Variants in SASH1 observed in about 807,000 individuals in gnomAD.
SASH1 encodes the protein SAM and SH3 domain containing 1.
Under a neutral mutation model 125.2 loss-of-function variants are expected in SASH1, and 44 were observed. The ratio of observed to expected loss-of-function variants is 0.35; its 90% CI spans 0.28 to 0.45. SASH1 has a LOEUF of 0.45. Among genes scored for constraint, SASH1 ranks in the 20% least tolerant of loss-of-function variants. The probability of loss-of-function intolerance (pLI) is 1.00; values close to 1 mark genes in which losing one functional copy is unlikely to be tolerated. For synonymous variants in SASH1, 639 were observed against 649.1 expected (o/e 0.98, Z 0.24); for missense variants, 1,426 against 1,614.5 (o/e 0.88, Z 2.00).
At chr6:148,280,498 T>G (rs1437623620) in intron 1 of SASH1, 1 of 152,220 alleles carries the variant, frequency 6.6e-6, no homozygotes, top group African/African-American at 2.4e-5. Flanking sequence ...GTTCAATCCA[T>G]GGTAGCCCTT....
At chr6:148,388,036 C>G (rs1350819962) in intron 1 of SASH1, among the ~76,000 whole-genome samples, 4 of 151,116 alleles carry the variant, frequency 2.6e-5, no homozygotes, top group African/African-American at 9.7e-5. Flanking sequence ...CTGCCTCAGC[C>G]TCCTGAGTAG....
chr6:148,317,922 T>C (rs1179081547), intron 1 of SASH1, among the ~76,000 whole-genome samples: 1 of 152,238 alleles, frequency 6.6e-6, no homozygotes, highest in Non-Finnish European at 1.5e-5. Flanking sequence ...TGTGAAAGGT[T>C]GTGTTTTCTG....
At chr6:148,220,479 C>A in the SASH1 span, among the ~76,000 whole-genome samples, 838 of 152,272 alleles carry the variant, frequency 5.5e-3, 10 homozygotes, top group African/African-American at 0.02. Context: ...TAAGTTGCAA[C>A]GTTAATTCTA....
chr6:148,246,817 G>A, the SASH1 span, among the ~76,000 whole-genome samples: 24 of 152,288 alleles, frequency 1.6e-4, no homozygotes, highest in Non-Finnish European at 2.5e-4. Flanking sequence ...AAAAGTTTGC[G>A]TCGCTACGAG....
At chr6:148,203,135 G>A in the SASH1 span, among the ~76,000 whole-genome samples, 1 of 152,156 alleles carries the variant, frequency 6.6e-6, no homozygotes, top group Non-Finnish European at 1.5e-5. Flanking sequence ...AATAAAATCA[G>A]AGAAAGAGCT....
chr6:148,387,573 T>TTTCTTTCC (rs1783448538), intron 1 of SASH1, among the ~76,000 whole-genome samples: 2 of 5,184 alleles, frequency 3.9e-4, no homozygotes, highest in Admixed American at 2.9e-3. Flanking sequence ...TTTCTCTTTC[T>TTTCTTTCC]TTCTTTCTTT....
At chr6:148,202,292 C>T in the SASH1 span, among the ~76,000 whole-genome samples, 1 of 152,176 alleles carries the variant, frequency 6.6e-6, no homozygotes, top group Non-Finnish European at 1.5e-5. Context: ...CCTGCAAGGA[C>T]AGAACTTCCT....
chr6:148,328,771 G>T (rs1206344252), intron 1 of SASH1, among the ~76,000 whole-genome samples: 6 of 152,144 alleles, frequency 3.9e-5, no homozygotes, highest in African/African-American at 1.4e-4. Flanking sequence ...GTGAATGATT[G>T]ATTTGTCCCC....
At chr6:148,236,010 G>A in the SASH1 span, among the ~76,000 whole-genome samples, 1 of 152,050 alleles carries the variant, frequency 6.6e-6, no homozygotes, top group Non-Finnish European at 1.5e-5. Context: ...CATTCATTAT[G>A]AATATTAGGA....
the SASH1 span, among the ~76,000 whole-genome samples, chr6:148,194,685 A>C: frequency 6.6e-6 from 1 of 152,204 alleles, no homozygotes; most frequent in Non-Finnish European, 1.5e-5. Flanking sequence ...AGGCGGGAGG[A>C]TCACGAGGTC....
chr6:148,463,122 G>C (rs968357063), intron 4 of SASH1, among the ~76,000 whole-genome samples: 5 of 152,014 alleles, frequency 3.3e-5, no homozygotes, highest in African/African-American at 1.2e-4. Context: ...AGTTTCCACT[G>C]TGTGGAGTGA....
At chr6:148,350,087 C>T (rs543307743) in intron 1 of SASH1, among the ~76,000 whole-genome samples, 113 of 152,116 alleles carry the variant, frequency 7.4e-4, no homozygotes, top group Non-Finnish European at 7.9e-4. Flanking sequence ...CCTCGTGATC[C>T]ACTCACCTCG....
chr6:148,514,170 C>T, intron 8 of SASH1, 154 bp from the exon 9 acceptor site: 1 of 1,430,332 alleles, frequency 7.0e-7, no homozygotes, highest in Non-Finnish European at 9.1e-7. Context: ...GTATGTGGCA[C>T]TTTGTAAACC....
At chr6:148,351,186 T>G (rs185858876) in intron 1 of SASH1, among the ~76,000 whole-genome samples, 11 of 133,700 alleles carry the variant, frequency 8.2e-5, no homozygotes, top group Non-Finnish European at 6.2e-5. Context: ...CTTTCTGCGA[T>G]AGTAGTTTTT....
rs945096271 is a variant in SASH1, at chr6:148,549,275, C to T, written c.*717C>T. On this transcript the variant is annotated 3_prime_UTR_variant, in exon 20 of 20. Transcript: ENST00000367467. ...ATGTTTCCAGCAAAAGTGAGCTTTT[C>T]TAATCGTCTCATTGTAACATGGCTT... The T allele has an allele frequency of 4.4e-5, 10 of 225,544 alleles. No homozygotes were observed. The highest frequency in any genetic ancestry group is 2.0e-4 in the African/African-American group (9 of 44,592). 14.0% of individuals were successfully genotyped at this position (225,544 alleles called of 1,614,324 possible).
the SASH1 span, among the ~76,000 whole-genome samples, chr6:148,253,680 G>A: frequency 6.6e-6 from 1 of 152,074 alleles, no homozygotes; most frequent in African/African-American, 2.4e-5. Flanking sequence ...AGACCATCCT[G>A]GCCAACATGG....
chr6:148,368,766 G>GCGTGCGCA lies in SASH1; in HGVS notation c.157-21366_157-21365insTGCGCACG, dbSNP rs199822318. On this transcript the variant is annotated intron_variant, in intron 1 of 19. Transcript: ENST00000367467. ...ACCTCCCCCACATGCGCGCGCACGC[G>GCGTGCGCA]CGCGCACACACACACACACACACAC... is the stretch of plus-strand genomic sequence containing the variant. Among the ~76,000 whole-genome samples the GCGTGCGCA allele has an allele frequency of 6.6e-4, 8 of 12,110 alleles. No homozygotes were observed. The South Asian group carries it at 0.015, about 22-fold the overall frequency. The allele number at this position is 12,110 out of a possible 152,430, so 7.9% of individuals were successfully genotyped here. A position where few individuals can be genotyped will look rare whatever the true frequency, so the allele number is the denominator to read the frequency against.
chr6:148,377,779 T>G (rs1266255750), intron 1 of SASH1, among the ~76,000 whole-genome samples: 3 of 152,204 alleles, frequency 2.0e-5, no homozygotes, highest in African/African-American at 7.2e-5. Flanking sequence ...CATCAAATAA[T>G]AGGAGAAATT....
chr6:148,382,766 C>CAT (rs917335559), intron 1 of SASH1, among the ~76,000 whole-genome samples: 5 of 152,230 alleles, frequency 3.3e-5, no homozygotes, highest in Admixed American at 2.0e-4. Flanking sequence ...TCACCATGAC[C>CAT]GTATATGCCA....
Sources: gnomAD v4.1 joint callset for allele counts (sites outside exome capture counted in the v4.1 genomes callset) on GRCh38, gnomAD v4.1.1 for gene constraint, MANE v1.5 for transcripts, NCBI Gene and HGNC (gene_info 2026-07-23, HGNC 2026-07-21) for gene names.